The following SYT16 variants were observed in gnomAD, a reference collection of about 807,000 sequenced individuals.
SYT16 encodes synaptotagmin-16.
SYT16 carries 42 observed loss-of-function variants against 61.4 expected under a neutral mutation model. That is an observed-to-expected ratio of 0.68 (90% CI 0.53 to 0.89). The LOEUF (loss-of-function observed/expected upper bound fraction) is 0.89. SYT16 is among the 40% of genes least tolerant of loss of function. SYT16 has a pLI of 0.00. For missense variants in SYT16, 804 were observed against 807.3 expected (o/e 1.00, Z 0.05); for synonymous variants, 314 against 302.3 (o/e 1.04, Z -0.40).
At chr14:61,910,437 C>A (rs1324860936) in intron 1 of SYT16, among the ~76,000 whole-genome samples, 1 of 151,924 alleles carries the variant, frequency 6.6e-6, no homozygotes, top group Admixed American at 6.6e-5. Context: ...TGGGGTTTTA[C>A]CATGTTGGCC....
At chr14:62,075,095 A>G in intron 4 of SYT16, 40 bp from the exon 5 acceptor site, 1 of 1,558,590 alleles carries the variant, frequency 6.4e-7, no homozygotes, top group Non-Finnish European at 8.7e-7. Context: ...AAGGTGTTAA[A>G]AATAATGCAT....
chr14:61,946,924 A>C (rs945386092), intron 1 of SYT16, among the ~76,000 whole-genome samples: 1 of 152,158 alleles, frequency 6.6e-6, no homozygotes, highest in African/African-American at 2.4e-5. Context: ...ATGTCTAAGC[A>C]GAAGATGTGG....
chr14:62,111,429 T>G lies in SYT16; in HGVS notation c.*10722T>G, dbSNP rs978773618. The G allele has an allele frequency of 2.6e-5, 4 of 152,100 alleles. No homozygotes were observed. Among genetic ancestry groups the G allele is most frequent in the African/African-American group, 9.7e-5 (4 of 41,412 alleles). The allele number at this position is 152,100 out of a possible 1,614,324, so 9.4% of individuals were successfully genotyped here. On this transcript the variant is annotated 3_prime_UTR_variant, in exon 8 of 8. Coordinates refer to ENST00000683842, the MANE Select transcript of SYT16 (RefSeq NM_001367656.1). ...ATGTATTAACATTGTAAACATGTAC[T>G]TTTTCTATTCTATGCTTACTTTAAT...
intron 3 of SYT16, among the ~76,000 whole-genome samples, chr14:62,022,016 T>C (rs2053928160): frequency 6.6e-6 from 1 of 152,022 alleles, no homozygotes; most frequent in East Asian, 1.9e-4. Flanking sequence ...TCAATAAAAG[T>C]TATAATTTTG....
At chr14:62,069,478 A>G (rs2056205013) in intron 3 of SYT16, 125 bp from the exon 4 acceptor site, 2 of 955,506 alleles carry the variant, frequency 2.1e-6, no homozygotes, top group Non-Finnish European at 3.2e-6. Context: ...TTTTCTATCC[A>G]GTTTGAGTGT....
intron 7 of SYT16, among the ~76,000 whole-genome samples, chr14:62,095,750 T>C (rs1478299741): frequency 6.6e-6 from 1 of 152,066 alleles, no homozygotes; most frequent in East Asian, 1.9e-4. Context: ...TGTTTTAGTT[T>C]GTTTTTTTAT....
chr14:61,891,982 A>C (rs1354025514), intron 1 of SYT16, among the ~76,000 whole-genome samples: 1 of 152,184 alleles, frequency 6.6e-6, no homozygotes, highest in East Asian at 1.9e-4. Context: ...AAAAGAATTT[A>C]TTGACTCATC....
intron 1 of SYT16, among the ~76,000 whole-genome samples, chr14:61,849,127 G>C (rs1164421994): frequency 6.6e-6 from 1 of 152,192 alleles, no homozygotes; most frequent in African/African-American, 2.4e-5. Context: ...CCCTAGAATG[G>C]GGGGCCTCCG....
chr14:61,906,775 A>ATCCG lies in SYT16; in HGVS notation c.-324-63345_-324-63342dup, dbSNP rs1165060107. On this transcript the variant is annotated intron_variant, in intron 1 of 7. Transcript: ENST00000683842. ...CTTCCGTCCGTCCGTCAATCCATCC[A>ATCCG]TCCGTCCGTCCGTCCATCCATCCAT... Among the ~76,000 whole-genome samples the ATCCG allele has an allele frequency of 1.6e-3, 181 of 110,504 alleles. 1 individual carries two copies. The highest frequency in any genetic ancestry group is 6.0e-3 in the African/African-American group (157 of 26,206). 72.5% of individuals were successfully genotyped at this position (110,504 alleles called of 152,430 possible).
At chr14:61,903,421 G>A (rs2048591789) in intron 1 of SYT16, among the ~76,000 whole-genome samples, 1 of 152,178 alleles carries the variant, frequency 6.6e-6, no homozygotes, top group South Asian at 2.1e-4. Flanking sequence ...CTCATTAAAT[G>A]TATGTTAAAT....
chr14:61,849,242 G>A (rs957476288), intron 1 of SYT16, among the ~76,000 whole-genome samples: 11 of 152,154 alleles, frequency 7.2e-5, no homozygotes, highest in Non-Finnish European at 1.5e-4. Flanking sequence ...GAAGGAAGGA[G>A]TCTTTTTTGG....
At chr14:61,837,302 T>C (rs1261502519) in intron 1 of SYT16, among the ~76,000 whole-genome samples, 1 of 150,542 alleles carries the variant, frequency 6.6e-6, no homozygotes, top group Non-Finnish European at 1.5e-5. Flanking sequence ...AGTGGTGCGA[T>C]CTTGGTTCAC....
intron 2 of SYT16, among the ~76,000 whole-genome samples, chr14:61,984,609 C>G (rs1186474879): frequency 6.6e-6 from 1 of 152,062 alleles, no homozygotes; most frequent in Non-Finnish European, 1.5e-5. Flanking sequence ...CAGAAGACTG[C>G]AAGGTATTTG....
intron 1 of SYT16, among the ~76,000 whole-genome samples, chr14:61,900,350 G>C (rs2048470634): frequency 6.6e-6 from 1 of 152,128 alleles, no homozygotes; most frequent in South Asian, 2.1e-4. Context: ...TAGAGACGGG[G>C]CTTTGCCATG....
chr14:62,000,037 T>C (rs2052931465), intron 3 of SYT16, among the ~76,000 whole-genome samples: 2 of 149,160 alleles, frequency 1.3e-5, no homozygotes, highest in African/African-American at 4.9e-5. Flanking sequence ...GAGAGTATTC[T>C]ATAAATTACA....
chr14:62,069,586 C>G lies in SYT16; in HGVS notation c.524-17C>G, dbSNP rs73264209. On this transcript the variant is annotated splice_polypyrimidine_tract_variant and intron_variant, in intron 3 of 7. Transcript: ENST00000683842. ...TATAGGCCACACAGGAGACTCATGGCTCTTGTTTACTCCCAGTCAACAGCT... is the reference window on the plus strand; with the variant it reads ...TATAGGCCACACAGGAGACTCATGGGTCTTGTTTACTCCCAGTCAACAGCT... The G allele has an allele frequency of 3.7e-3, 5,906 of 1,612,480 alleles. 220 individuals are homozygous for G. In the African/African-American group the frequency reaches 0.072, roughly 20 times the overall value.
intron 3 of SYT16, among the ~76,000 whole-genome samples, chr14:62,066,792 C>T (rs188037018): frequency 4.6e-5 from 7 of 152,234 alleles, no homozygotes; most frequent in Admixed American, 1.3e-4. Context: ...GGAGATAGGG[C>T]CTGGATGCAA....
chr14:62,047,266 C>A (rs1037663226), intron 3 of SYT16, among the ~76,000 whole-genome samples: 3 of 152,124 alleles, frequency 2.0e-5, no homozygotes, highest in Admixed American at 2.0e-4. Flanking sequence ...CATGATTTGG[C>A]TCTCTGTTTG....
rs1019063053 is a variant in SYT16, at chr14:61,953,831, G to A, written c.-324-16301G>A. ...TTGTTCACTGCCTTTCCTGGGAGGC[G>A]CTGTGGTCCTTAGGGAAGTGGATTC... is the stretch of plus-strand genomic sequence containing the variant. On this transcript the variant is annotated intron_variant, in intron 1 of 7. Coordinates refer to ENST00000683842, the MANE Select transcript of SYT16 (RefSeq NM_001367656.1). Among the ~76,000 whole-genome samples the A allele has an allele frequency of 4.6e-5, 7 of 152,238 alleles. No individual in the cohort carries two copies. The South Asian group carries it at 8.3e-4, about 18-fold the overall frequency.
Sources: allele counts gnomAD v4.1 joint callset (sites outside exome capture counted in the v4.1 genomes callset), GRCh38; gene constraint gnomAD v4.1.1; transcripts MANE v1.5; gene names NCBI Gene and HGNC (gene_info 2026-07-23, HGNC 2026-07-21).